TMEM71: variants seen among roughly 807,000 people sequenced by gnomAD.
The protein encoded by TMEM71 is transmembrane protein 71.
TMEM71 carries 44 observed loss-of-function variants against 38.0 expected under a neutral mutation model. The ratio of observed to expected loss-of-function variants is 1.16; its 90% CI spans 0.91 to 1.49. The LOEUF (loss-of-function observed/expected upper bound fraction) is 1.49, where lower values mean the gene tolerates loss of function less well. TMEM71 is among the 40% of genes most tolerant of loss of function. The pLI, the probability that TMEM71 is intolerant of heterozygous loss-of-function variation, is 0.00. For synonymous variants in TMEM71, 133 were observed against 122.5 expected (o/e 1.09, Z -0.56); for missense variants, 367 against 348.6 (o/e 1.05, Z -0.42).
chr8:132,714,143 C>A lies in TMEM71; in HGVS notation c.814+11G>T, dbSNP rs773536706. 5.0e-6 allele frequency: 8 copies of A among 1,611,566 alleles called. No homozygotes were observed. Among genetic ancestry groups the A allele is most frequent in the Non-Finnish European group, 6.8e-6 (8 of 1,177,972 alleles). Reference sequence around the variant, plus strand: ...GGCATCATTGCAGTAATCTGGGAAACAGTTACTTACAAGCTACAGTTATCA... The same window carrying A: ...GGCATCATTGCAGTAATCTGGGAAAAAGTTACTTACAAGCTACAGTTATCA... On this transcript the variant is annotated intron_variant, in intron 8 of 9. Coordinates refer to ENST00000677595, the MANE Select transcript of TMEM71 (RefSeq NM_001382403.1).
the TMEM71 span, among the ~76,000 whole-genome samples, chr8:132,774,578 G>T: frequency 1.3e-5 from 2 of 152,184 alleles, no homozygotes; most frequent in African/African-American, 4.8e-5. Flanking sequence ...TGTATGCAAC[G>T]TTGCACTTGA....
chr8:132,719,307 C>T (rs931375316), intron 7 of TMEM71, among the ~76,000 whole-genome samples: 2 of 152,114 alleles, frequency 1.3e-5, no homozygotes, highest in Non-Finnish European at 2.9e-5. Context: ...CTGAAATGCC[C>T]CAAGTTTGAA....
chr8:132,769,558 C>T, the TMEM71 span, among the ~76,000 whole-genome samples: 4 of 152,306 alleles, frequency 2.6e-5, no homozygotes, highest in Middle Eastern at 3.4e-3. Flanking sequence ...TGCAATGGTA[C>T]TTGGAAGTGG....
At position 132,728,004 on chromosome 8, in the gene TMEM71, T is replaced by C. The variant is rs1827246633; in HGVS notation, c.488-18A>G. The stretch of plus-strand genomic sequence containing the variant: ...ATCATCTGCTGAAAAAGCAGAGGGG[T>C]TCAGTGTGAGTGTGTGTGTGTGTGT... On this transcript the variant is annotated intron_variant, in intron 5 of 9. Transcript: ENST00000677595. 2 of 1,566,084 alleles carry C rather than the reference T, an allele frequency of 1.3e-6. No individual in the cohort carries two copies. The highest frequency in any genetic ancestry group is 1.6e-5 in the African/African-American group (1 of 61,546).
intron 5 of TMEM71, among the ~76,000 whole-genome samples, chr8:132,739,601 G>A (rs974719540): frequency 1.3e-5 from 2 of 152,028 alleles, no homozygotes; most frequent in Non-Finnish European, 2.9e-5. Context: ...GTGAGCCACC[G>A]TGTCAGGCCC....
chr8:132,730,642 T>C (rs1827400973), intron 5 of TMEM71, among the ~76,000 whole-genome samples: 1 of 152,200 alleles, frequency 6.6e-6, no homozygotes, highest in South Asian at 2.1e-4. Context: ...GTAAAATTTG[T>C]GTTTTTTGTT....
upstream of TMEM71, among the ~76,000 whole-genome samples, chr8:132,762,956 A>G (rs1219627886): frequency 2.6e-5 from 4 of 152,200 alleles, no homozygotes; most frequent in Non-Finnish European, 4.4e-5. Flanking sequence ...AAAATTGCCA[A>G]TGGCCAGAAC....
chr8:132,730,223 G>A (rs1157991963), intron 5 of TMEM71, among the ~76,000 whole-genome samples: 1 of 152,148 alleles, frequency 6.6e-6, no homozygotes, highest in Non-Finnish European at 1.5e-5. Flanking sequence ...CTCCCAAAGT[G>A]CTAGGATTAC....
chr8:132,748,733 C>T (rs1310985917), intron 4 of TMEM71, among the ~76,000 whole-genome samples: 1 of 152,188 alleles, frequency 6.6e-6, no homozygotes, highest in African/African-American at 2.4e-5. Context: ...ATGGGATGGG[C>T]ACTCATCAAA....
At chr8:132,764,764 A>T (rs770730971), upstream of TMEM71, among the ~76,000 whole-genome samples, 1 of 152,204 alleles carries the variant, frequency 6.6e-6, no homozygotes, top group East Asian at 1.9e-4. Context: ...CTTTCAGAGG[A>T]TGCATCACAA....
chr8:132,729,100 T>C (rs551215362), intron 5 of TMEM71, among the ~76,000 whole-genome samples: 1 of 152,364 alleles, frequency 6.6e-6, no homozygotes, highest in East Asian at 1.9e-4. Context: ...TGCAAAAGCA[T>C]GCATGCAACT....
At chr8:132,734,816 G>C (rs577111060) in intron 5 of TMEM71, among the ~76,000 whole-genome samples, 8 of 152,238 alleles carry the variant, frequency 5.3e-5, no homozygotes, top group African/African-American at 1.9e-4. Flanking sequence ...ATTGTTGAAG[G>C]TATCTATTTC....
downstream of TMEM71, among the ~76,000 whole-genome samples, chr8:132,706,084 A>G (rs1052757689): frequency 2.0e-5 from 3 of 152,174 alleles, no homozygotes; most frequent in Admixed American, 2.0e-4. Context: ...AAACAAGAAG[A>G]CAGCCATCTG....
intron 5 of TMEM71, among the ~76,000 whole-genome samples, chr8:132,733,749 C>T (rs371033654): frequency 6.6e-6 from 1 of 152,208 alleles, no homozygotes; most frequent in African/African-American, 2.4e-5. Context: ...CGGAAGCAGC[C>T]TAAGTATCCT....
chr8:132,734,437 A>G (rs1371035822), intron 5 of TMEM71, among the ~76,000 whole-genome samples: 4 of 152,208 alleles, frequency 2.6e-5, no homozygotes, highest in Non-Finnish European at 4.4e-5. Context: ...TGTAGTCATG[A>G]GTGCCCCTTA....
At chr8:132,755,687 T>A (rs906163785) in intron 3 of TMEM71, among the ~76,000 whole-genome samples, 5 of 152,226 alleles carry the variant, frequency 3.3e-5, no homozygotes, top group Non-Finnish European at 7.4e-5. Context: ...CTCTACTGAA[T>A]TTCTGATATT....
At chr8:132,709,900 A>G (rs1826155026), downstream of TMEM71, 1 of 152,084 alleles carries the variant, frequency 6.6e-6, no homozygotes, top group Non-Finnish European at 1.5e-5. Context: ...GATTTCTCAA[A>G]AAAATATATA....
the TMEM71 span, among the ~76,000 whole-genome samples, chr8:132,765,997 T>A: frequency 6.3e-4 from 96 of 152,098 alleles, no homozygotes; most frequent in African/African-American, 2.2e-3. Context: ...TTGGCCAGGC[T>A]TGTCTTCATC....
the TMEM71 span, chr8:132,775,371 G>A: frequency 2.7e-6 from 1 of 364,568 alleles, no homozygotes; most frequent in East Asian, 4.1e-5. Context: ...GACGTCGCCG[G>A]GGCCCGGCGT....
Sources: gnomAD v4.1 joint callset for allele counts (sites outside exome capture counted in the v4.1 genomes callset) on GRCh38, gnomAD v4.1.1 for gene constraint, MANE v1.5 for transcripts, NCBI Gene and HGNC (gene_info 2026-07-23, HGNC 2026-07-21) for gene names.